The following CTNNA3 variants were observed in gnomAD, a reference collection of about 807,000 sequenced individuals.
The protein encoded by CTNNA3 is catenin alpha 3.
A neutral mutation model predicts 95.7 loss-of-function variants in CTNNA3; 76 were observed. That is an observed-to-expected ratio of 0.79 (90% confidence interval 0.66 to 0.96). The LOEUF (loss-of-function observed/expected upper bound fraction) is 0.96. CTNNA3 is among the 40% of genes least tolerant of loss of function. The probability of loss-of-function intolerance (pLI) is 0.00; values close to 1 mark genes in which losing one functional copy is unlikely to be tolerated. For synonymous variants in CTNNA3, 431 were observed against 374.4 expected (o/e 1.15, Z -1.74); for missense variants, 1,191 against 1,089.8 (o/e 1.09, Z -1.31).
intron 9 of CTNNA3, among the ~76,000 whole-genome samples, chr10:66,721,701 T>G (rs1848632992): frequency 6.6e-6 from 1 of 152,104 alleles, no homozygotes; most frequent in Admixed American, 6.5e-5. Flanking sequence ...TGGGAGACCA[T>G]AAAAACAGAA....
intron 7 of CTNNA3, among the ~76,000 whole-genome samples, chr10:66,823,023 C>T (rs1842356072): frequency 6.6e-6 from 1 of 152,180 alleles, no homozygotes; most frequent in Admixed American, 6.5e-5. Context: ...ACTACAATTA[C>T]CACCCTGCAA....
intron 1 of CTNNA3, among the ~76,000 whole-genome samples, chr10:67,727,624 G>T (rs1278677243): frequency 2.4e-5 from 3 of 122,726 alleles, no homozygotes; most frequent in Non-Finnish European, 4.8e-5. Flanking sequence ...GCAATATATG[G>T]TCTATTATAT....
At chr10:66,447,342 AC>A (rs1438832607) in intron 11 of CTNNA3, among the ~76,000 whole-genome samples, 1 of 148,264 alleles carries the variant, frequency 6.7e-6, no homozygotes, top group African/African-American at 2.5e-5. Flanking sequence ...GTCATATGGA[AC>A]CAAAAAAGAG....
At chr10:67,755,802 C>CAAAAAAAAAAAAAAAAAA (rs201336788) in intron 1 of CTNNA3, among the ~76,000 whole-genome samples, 1 of 58,756 alleles carries the variant, frequency 1.7e-5, no homozygotes, top group African/African-American at 5.9e-5. Context: ...GTCTCTGCCT[C>CAAAAAAAAAAAAAAAAAA]AAAAAAAAAA....
intron 6 of CTNNA3, among the ~76,000 whole-genome samples, chr10:67,209,539 A>C (rs538529041): frequency 1.3e-5 from 2 of 152,336 alleles, no homozygotes; most frequent in East Asian, 1.9e-4. Context: ...GAGAGAATAC[A>C]CAATTTTTTC....
At chr10:67,760,557 A>G (rs1841456891) in intron 1 of CTNNA3, among the ~76,000 whole-genome samples, 1 of 152,174 alleles carries the variant, frequency 6.6e-6, no homozygotes, top group Non-Finnish European at 1.5e-5. Context: ...CTTAGTCTAT[A>G]TAATACAGCC....
At chr10:66,106,213 A>AG (rs1044246163) in intron 13 of CTNNA3, among the ~76,000 whole-genome samples, 8 of 144,398 alleles carry the variant, frequency 5.5e-5, no homozygotes, top group Middle Eastern at 3.7e-3. Context: ...ATCTCAAAAA[A>AG]AAAAAAAGAA....
chr10:66,479,911 A>G (rs1310645416), intron 11 of CTNNA3, among the ~76,000 whole-genome samples: 1 of 151,666 alleles, frequency 6.6e-6, no homozygotes, highest in African/African-American at 2.4e-5. Flanking sequence ...AGATCAACAG[A>G]AAGACTTCAC....
chr10:67,272,813 C>T (rs1039693696), intron 5 of CTNNA3, among the ~76,000 whole-genome samples: 6 of 152,118 alleles, frequency 3.9e-5, no homozygotes, highest in Admixed American at 3.3e-4. Context: ...TCTATTATTA[C>T]TCCATGTAGG....
At chr10:67,365,308 G>C (rs1286838778) in intron 5 of CTNNA3, among the ~76,000 whole-genome samples, 1 of 152,098 alleles carries the variant, frequency 6.6e-6, no homozygotes, top group African/African-American at 2.4e-5. Flanking sequence ...TCAGGACATA[G>C]GCATGGGCAA....
intron 17 of CTNNA3, among the ~76,000 whole-genome samples, chr10:65,961,087 C>T (rs916970187): frequency 4.6e-5 from 7 of 151,778 alleles, no homozygotes; most frequent in African/African-American, 1.5e-4. Context: ...CTTCTGGTCG[C>T]TTTTTTTTCT....
intron 13 of CTNNA3, among the ~76,000 whole-genome samples, chr10:66,205,553 A>C (rs1301702965): frequency 1.3e-5 from 2 of 151,994 alleles, no homozygotes; most frequent in Non-Finnish European, 2.9e-5. Flanking sequence ...CTTGTGTGAA[A>C]ACTAAGACCC....
chr10:67,086,270 A>G (rs532215430), intron 7 of CTNNA3, among the ~76,000 whole-genome samples: 1 of 152,188 alleles, frequency 6.6e-6, no homozygotes, highest in East Asian at 1.9e-4. Flanking sequence ...AAAAAATGTT[A>G]CTTGAACTAA....
intron 7 of CTNNA3, among the ~76,000 whole-genome samples, chr10:67,103,262 T>A (rs1418623832): frequency 6.6e-6 from 1 of 151,874 alleles, no homozygotes; most frequent in African/African-American, 2.4e-5. Flanking sequence ...AATCTAGTTT[T>A]CTAAGCCTGA....
At chr10:67,156,876 A>G (rs985231212) in intron 7 of CTNNA3, among the ~76,000 whole-genome samples, 1 of 136,596 alleles carries the variant, frequency 7.3e-6, no homozygotes, top group Non-Finnish European at 1.5e-5. Context: ...TCATACTGAA[A>G]GTAGGATAGT....
intron 5 of CTNNA3, among the ~76,000 whole-genome samples, chr10:67,331,559 T>G (rs1841795637): frequency 6.6e-6 from 1 of 152,138 alleles, no homozygotes; most frequent in Non-Finnish European, 1.5e-5. Flanking sequence ...TAGTTCAGAT[T>G]TGGAACAGTG....
intron 13 of CTNNA3, among the ~76,000 whole-genome samples, chr10:66,258,635 G>A (rs1022648497): frequency 6.6e-6 from 1 of 152,060 alleles, no homozygotes; most frequent in South Asian, 2.1e-4. Context: ...TTTTGAGAGT[G>A]AGCCTAAGAT....
At chr10:66,398,820 C>T (rs2092999030) in intron 11 of CTNNA3, among the ~76,000 whole-genome samples, 2 of 151,900 alleles carry the variant, frequency 1.3e-5, no homozygotes, top group Non-Finnish European at 2.9e-5. Flanking sequence ...AGTTCTAAAC[C>T]TCCACTGTCA....
At position 66,579,367 on chromosome 10, in the gene CTNNA3, G is replaced by A. The variant is rs541432062; in HGVS notation, c.1374+42325C>T. ...AGTAGTATTTGCTTGGGCAGTACATGCCATCAGATTATGAATGGATTATAA... is the reference window on the plus strand; with the variant it reads ...AGTAGTATTTGCTTGGGCAGTACATACCATCAGATTATGAATGGATTATAA... On this transcript the variant is annotated intron_variant, in intron 10 of 17. Transcript: ENST00000433211. 4.6e-5 allele frequency among the ~76,000 whole-genome samples: 7 copies of A among 151,902 alleles called. No individual in the cohort carries two copies. In the South Asian group the frequency reaches 1.5e-3, roughly 32 times the overall value.
Sources: allele counts gnomAD v4.1 joint callset (sites outside exome capture counted in the v4.1 genomes callset), GRCh38; gene constraint gnomAD v4.1.1; transcripts MANE v1.5; gene names NCBI Gene and HGNC (gene_info 2026-07-23, HGNC 2026-07-21).